The following THSD7B variants were observed in gnomAD, a reference collection of about 807,000 sequenced individuals.
The protein encoded by THSD7B is thrombospondin type 1 domain containing 7B.
A neutral mutation model predicts 213.6 loss-of-function variants in THSD7B; 138 were observed. That is an observed-to-expected ratio of 0.65 (90% CI 0.56 to 0.74). The LOEUF is 0.74. THSD7B is among the 30% of genes least tolerant of loss of function. The pLI is 0.00. For synonymous variants in THSD7B, 742 were observed against 687.0 expected, an observed-to-expected ratio of 1.08 and a Z score of -1.25; for missense variants, 1,931 against 1,991.5, an observed-to-expected ratio of 0.97 and a Z score of 0.58.
At chr2:137,599,155 T>C (rs551215157) in intron 17 of THSD7B, among the ~76,000 whole-genome samples, 65 of 151,240 alleles carry the variant, frequency 4.3e-4, no homozygotes, top group African/African-American at 1.5e-3. Context: ...TTTCTTGCGA[T>C]AGTTTACTGA....
chr2:137,670,890 C>A (rs1253537231), intron 27 of THSD7B, among the ~76,000 whole-genome samples: 1 of 141,006 alleles, frequency 7.1e-6, no homozygotes, highest in Non-Finnish European at 1.5e-5. Flanking sequence ...CACTGCACTG[C>A]AGCGTGGGCG....
At chr2:136,804,292 A>G (rs531630761) in intron 1 of THSD7B, among the ~76,000 whole-genome samples, 2 of 152,218 alleles carry the variant, frequency 1.3e-5, no homozygotes, top group South Asian at 4.1e-4. Context: ...GTGAAGGTAT[A>G]ATGAATTAAT....
rs144040691 is a variant in THSD7B at position 137,256,085 on chromosome 2, A to T, written c.2266+13513A>T. 2.0e-5 allele frequency among the ~76,000 whole-genome samples: 3 copies of T among 152,014 alleles called. No individual in the cohort carries two copies. In the East Asian group the frequency reaches 5.8e-4, roughly 30 times the overall value. On this transcript the variant is annotated intron_variant, in intron 10 of 27. Coordinates refer to ENST00000409968, the MANE Select transcript of THSD7B (RefSeq NM_001316349.2). ...GTATTATTTTCTCACAGCAATTATC[A>T]TTATCCCAACTAGAATGGAAGTTCC...
At chr2:137,275,871 C>A in intron 11 of THSD7B, 52 bp from the exon 12 acceptor site, 3 of 1,350,246 alleles carry the variant, frequency 2.2e-6, no homozygotes, top group Non-Finnish European at 3.1e-6. Context: ...AGTATTTCTT[C>A]CTCGTGTTGA....
At chr2:136,838,574 A>T (rs1466764086) in intron 1 of THSD7B, among the ~76,000 whole-genome samples, 1 of 152,124 alleles carries the variant, frequency 6.6e-6, no homozygotes, top group African/African-American at 2.4e-5. Flanking sequence ...TATTTTGGTC[A>T]TTTAATTTTT....
chr2:136,814,847 A>G (rs1573650967), intron 1 of THSD7B, among the ~76,000 whole-genome samples: 1 of 152,168 alleles, frequency 6.6e-6, no homozygotes, highest in Admixed American at 6.5e-5. Context: ...AGTTTGGCTC[A>G]CTGCCTGTTT....
chr2:136,993,819 G>A (rs562356287), intron 2 of THSD7B, among the ~76,000 whole-genome samples: 8 of 151,356 alleles, frequency 5.3e-5, no homozygotes, highest in African/African-American at 1.9e-4. Context: ...CAAAGGTGGG[G>A]TCATGTGTGT....
At chr2:137,437,879 A>C (rs895790302) in intron 14 of THSD7B, among the ~76,000 whole-genome samples, 13 of 152,166 alleles carry the variant, frequency 8.5e-5, no homozygotes, top group African/African-American at 3.1e-4. Context: ...AAAAATTCAC[A>C]TGAGCACTCT....
At chr2:137,235,522 A>G (rs1681744784) in intron 9 of THSD7B, among the ~76,000 whole-genome samples, 1 of 152,180 alleles carries the variant, frequency 6.6e-6, no homozygotes, top group Non-Finnish European at 1.5e-5. Flanking sequence ...TTCGGACAGA[A>G]AAAGTTGAGT....
chr2:136,937,154 C>A (rs1313380643), intron 2 of THSD7B, among the ~76,000 whole-genome samples: 3 of 151,998 alleles, frequency 2.0e-5, no homozygotes, highest in Admixed American at 1.3e-4. Flanking sequence ...CACAAATCGA[C>A]TTTCGATATC....
At chr2:137,341,631 G>C (rs1684763383) in intron 12 of THSD7B, among the ~76,000 whole-genome samples, 2 of 151,542 alleles carry the variant, frequency 1.3e-5, no homozygotes, top group South Asian at 2.1e-4. Flanking sequence ...AATCCATTTA[G>C]AGTTGATTTT....
intron 12 of THSD7B, among the ~76,000 whole-genome samples, chr2:137,386,229 C>CG (rs1330036592): frequency 3.9e-5 from 6 of 152,176 alleles, no homozygotes; most frequent in Non-Finnish European, 8.8e-5. Context: ...GGCTGATGCT[C>CG]GGGGTCCCAG....
intron 12 of THSD7B, among the ~76,000 whole-genome samples, chr2:137,312,241 G>T (rs1355898966): frequency 6.6e-6 from 1 of 152,210 alleles, no homozygotes; most frequent in Non-Finnish European, 1.5e-5. Context: ...TTGGGAAAGT[G>T]TATGTGTCGA....
chr2:136,838,070 A>G (rs1353706193), intron 1 of THSD7B, among the ~76,000 whole-genome samples: 1 of 152,260 alleles, frequency 6.6e-6, no homozygotes, highest in Non-Finnish European at 1.5e-5. Flanking sequence ...GTAAAATCAT[A>G]CATGTAGAGC....
intron 12 of THSD7B, among the ~76,000 whole-genome samples, chr2:137,312,148 T>A (rs1367085184): frequency 1.3e-5 from 2 of 152,050 alleles, no homozygotes; most frequent in African/African-American, 4.8e-5. Context: ...GACTCTTTTT[T>A]GTTGGTAAGC....
Position 137,095,054 on chromosome 2 carries a change from G to A in THSD7B, c.1132G>A (p.Glu378Lys), listed in dbSNP as rs369766346. ...GCACATGGCTATTGGAGGTGGAAAG[G>A]AGTGTCCTGAACTTCTTGAGAAAGA... ...VKHMAIGGGK[E>K]CPELLEKEAC... is the part of the protein sequence containing the mutation. Residue 378 changes from glutamate to lysine, a missense_variant, in exon 4 of 28, where the codon GAG (glutamate) becomes AAG (lysine). Glu to Lys is a moderately conservative substitution (Grantham distance 56, BLOSUM62 1). Transcript: ENST00000409968. 31 of 1,613,744 alleles carry A rather than the reference G, an allele frequency of 1.9e-5. No homozygotes were observed. The highest frequency in any genetic ancestry group is 2.5e-5 in the Non-Finnish European group (30 of 1,179,852).
intron 2 of THSD7B, among the ~76,000 whole-genome samples, chr2:136,887,300 T>TTGTGTGTGTGTGTGTG (rs3084772): frequency 2.6e-3 from 392 of 148,568 alleles, no homozygotes; most frequent in African/African-American, 8.6e-3. Flanking sequence ...TCCATATTTG[T>TTGTGTGTGTGTGTGTG]TGTGTGTGTG....
intron 7 of THSD7B, among the ~76,000 whole-genome samples, chr2:137,215,499 T>C (rs1681216384): frequency 6.6e-6 from 1 of 152,172 alleles, no homozygotes; most frequent in African/African-American, 2.4e-5. Context: ...AAGTAGATGC[T>C]GGCCTGGAGA....
chr2:137,613,609 A>T (rs545968573), intron 17 of THSD7B, among the ~76,000 whole-genome samples: 2 of 152,254 alleles, frequency 1.3e-5, no homozygotes, highest in South Asian at 2.1e-4. Flanking sequence ...TTGATTTTTT[A>T]AAAATAAAAC....
Sources: allele counts gnomAD v4.1 joint callset (sites outside exome capture counted in the v4.1 genomes callset), GRCh38; gene constraint gnomAD v4.1.1; transcripts MANE v1.5; gene names NCBI Gene and HGNC (gene_info 2026-07-23, HGNC 2026-07-21).